JKAMP: variants seen among roughly 807,000 people sequenced by gnomAD.
The protein encoded by JKAMP is JNK1/MAPK8 associated membrane protein, also known as JNK1/MAPK8-associated membrane protein.
Under a neutral mutation model 40.2 loss-of-function variants are expected in JKAMP, and 20 were observed. That is an observed-to-expected ratio of 0.50 (90% CI 0.35 to 0.72). The LOEUF is 0.72. Ranked by LOEUF, JKAMP falls within the 30% of genes least tolerant of loss-of-function variation. The probability of loss-of-function intolerance (pLI) is 0.01; values close to 1 mark genes in which losing one functional copy is unlikely to be tolerated. For synonymous variants in JKAMP, 138 were observed against 131.6 expected (o/e 1.05, Z -0.33); for missense variants, 276 against 373.0 (o/e 0.74, Z 2.14).
chr14:59,504,806 A>C lies in JKAMP; in HGVS notation c.*734A>C, dbSNP rs1189481370. ...CCTCTCATATCTCGGGTATATATAC[A>C]TACCATATTTTATTGATCCAGAGAT... On this transcript the variant is annotated 3_prime_UTR_variant, in exon 7 of 7. Coordinates refer to ENST00000616435, the MANE Select transcript of JKAMP (RefSeq NM_016475.5). 3 of 153,546 alleles carry C rather than the reference A, an allele frequency of 2.0e-5. No individual in the cohort carries two copies. Among genetic ancestry groups the C allele is most frequent in the Non-Finnish European group, 2.9e-5 (2 of 68,776 alleles). The allele number at this position is 153,546 out of a possible 1,614,324, so 9.5% of individuals were successfully genotyped here. A position where few individuals can be genotyped will look rare whatever the true frequency, so the allele number is the denominator to read the frequency against.
chr14:59,495,611 A>G (rs889372238), intron 4 of JKAMP, among the ~76,000 whole-genome samples: 2 of 152,174 alleles, frequency 1.3e-5, no homozygotes, highest in Non-Finnish European at 2.9e-5. Context: ...AAAATTCTGT[A>G]TGCAATTATG....
chr14:59,502,330 C>G (rs557531902), intron 6 of JKAMP, among the ~76,000 whole-genome samples: 39 of 152,272 alleles, frequency 2.6e-4, no homozygotes, highest in African/African-American at 9.4e-4. Flanking sequence ...CCTATACTTG[C>G]TAATCTAGGG....
At chr14:59,494,508 T>C (rs1891286298) in intron 3 of JKAMP, among the ~76,000 whole-genome samples, 1 of 152,128 alleles carries the variant, frequency 6.6e-6, no homozygotes, top group African/African-American at 2.4e-5. Flanking sequence ...ACCAGAATAG[T>C]TGTGAAGCAG....
intron 3 of JKAMP, among the ~76,000 whole-genome samples, chr14:59,491,552 T>C (rs1025704200): frequency 3.3e-5 from 5 of 152,238 alleles, no homozygotes. Flanking sequence ...TGTGTGTTTA[T>C]GTTTTCAGTG....
rs1434127571 is a variant in JKAMP, at chr14:59,496,995, A to AG, written c.459-1732_459-1731insG. ...TTGTAGGGCTACCACAAGTCATAGT[A>AG]ATTTTTTTTTTTTTTTTTTGCAAGT... On this transcript the variant is annotated intron_variant, in intron 4 of 6. Coordinates refer to ENST00000616435, the MANE Select transcript of JKAMP (RefSeq NM_016475.5). Among the ~76,000 whole-genome samples, 6 of 147,534 alleles carry AG rather than the reference A, an allele frequency of 4.1e-5. No homozygotes were observed. The East Asian group carries it at 1.2e-3, about 29-fold the overall frequency.
Position 59,504,513 on chromosome 14 carries a change from G to A in JKAMP, c.*441G>A, listed in dbSNP as rs1483239758. 3 of 154,146 alleles carry A rather than the reference G, an allele frequency of 1.9e-5. No homozygotes were observed. Among genetic ancestry groups the A allele is most frequent in the Admixed American group, 1.9e-4 (3 of 15,444 alleles). The allele number at this position is 154,146 out of a possible 1,614,324, so 9.5% of individuals were successfully genotyped here. On this transcript the variant is annotated 3_prime_UTR_variant, in exon 7 of 7. Transcript: ENST00000616435. ...AATTGTAAAAACAAACATACTTGTG[G>A]GGTCTGATAGCAAACATAGAAATGA...
At chr14:59,490,229 T>G (rs1890889071) in intron 3 of JKAMP, among the ~76,000 whole-genome samples, 1 of 152,134 alleles carries the variant, frequency 6.6e-6, no homozygotes, top group Non-Finnish European at 1.5e-5. Flanking sequence ...GCCACCAGGA[T>G]CTTTTAAACA....
intron 3 of JKAMP, 79 bp from the exon 4 acceptor site, chr14:59,494,939 T>C (rs1891326420): frequency 1.0e-6 from 1 of 987,808 alleles, no homozygotes. Context: ...AATCTGTATC[T>C]TGACACATGT....
intron 3 of JKAMP, 24 bp from the exon 4 acceptor site, chr14:59,494,994 A>G (rs750280537): frequency 6.4e-7 from 1 of 1,565,490 alleles, no homozygotes; most frequent in East Asian, 2.2e-5. Flanking sequence ...TTTTCTAGTA[A>G]TCATGCCTCT....
At chr14:59,499,034 T>TTTTC (rs1891663056) in intron 5 of JKAMP, 126 bp downstream of exon 5, 1 of 535,052 alleles carries the variant, frequency 1.9e-6, no homozygotes, top group Non-Finnish European at 3.0e-6. Flanking sequence ...TTTTTTTTTT[T>TTTTC]TTTTTTTTGT....
chr14:59,493,959 A>G (rs192956950), intron 3 of JKAMP, among the ~76,000 whole-genome samples: 3 of 152,336 alleles, frequency 2.0e-5, no homozygotes, highest in Admixed American at 6.5e-5. Flanking sequence ...AGGGGTGGGA[A>G]GGAGTACCTG....
chr14:59,504,387 C>A lies in JKAMP; in HGVS notation c.*315C>A. 2 of 266,720 alleles carry A rather than the reference C, an allele frequency of 7.5e-6. No homozygotes were observed. The highest frequency in any genetic ancestry group is 7.1e-6 in the Non-Finnish European group (1 of 141,456). The allele number at this position is 266,720 out of a possible 1,614,324, so 16.5% of individuals were successfully genotyped here. ...TTCTGTGTACCTAGCAATGTGTTCC[C>A]ATTTTATTAAGAAAAGCTTTAACAC... On this transcript the variant is annotated 3_prime_UTR_variant, in exon 7 of 7. Coordinates refer to ENST00000616435, the MANE Select transcript of JKAMP (RefSeq NM_016475.5).
intron 1 of JKAMP, chr14:59,484,909 C>G: frequency 1.4e-6 from 2 of 1,425,890 alleles, no homozygotes; most frequent in African/African-American, 2.9e-5. Context: ...GAATTGAAAA[C>G]GCGGGTGATA....
At chr14:59,494,893 A>C in intron 3 of JKAMP, 125 bp from the exon 4 acceptor site, 3 of 654,568 alleles carry the variant, frequency 4.6e-6, no homozygotes, top group Non-Finnish European at 8.0e-6. Context: ...AAAAGGTTAT[A>C]CTCGAGTAGT....
intron 1 of JKAMP, 176 bp downstream of exon 1, chr14:59,484,769 G>C (rs1890392307): frequency 4.2e-6 from 4 of 950,388 alleles, no homozygotes; most frequent in Admixed American, 2.8e-5. Context: ...GGGGTGGTCT[G>C]TCCGCAACGG....
intron 3 of JKAMP, among the ~76,000 whole-genome samples, chr14:59,493,889 A>C (rs1379827586): frequency 6.6e-6 from 1 of 152,238 alleles, no homozygotes; most frequent in Non-Finnish European, 1.5e-5. Context: ...CCCAAAACAC[A>C]GACAATTATA....
Position 59,501,191 on chromosome 14 carries a change from A to T in JKAMP, c.641A>T (p.Tyr214Phe). Residue 214 changes from tyrosine to phenylalanine, a missense_variant and splice_region_variant, in exon 6 of 7, where the codon TAT becomes TTT. Coordinates refer to ENST00000616435, the MANE Select transcript of JKAMP (RefSeq NM_016475.5). ...VLQAVGGGLL[Y>F]YAFPYIILVL... ...CATAATACCAATGCTTATCTTTCAGATTACGCCTTCCCATACATTATATTA... is the reference window on the plus strand; with the variant it reads ...CATAATACCAATGCTTATCTTTCAGTTTACGCCTTCCCATACATTATATTA... 2.5e-6 allele frequency: 4 copies of T among 1,573,548 alleles called. No individual in the cohort carries two copies. The highest frequency in any genetic ancestry group is 3.5e-6 in the Non-Finnish European group (4 of 1,147,720).
chr14:59,502,837 C>G (rs1231119985), intron 6 of JKAMP, among the ~76,000 whole-genome samples: 3 of 138,338 alleles, frequency 2.2e-5, no homozygotes, highest in Non-Finnish European at 4.6e-5. Context: ...CTGCAACTTC[C>G]ACCTCTCGGG....
At chr14:59,486,849 T>G (rs1479524252) in intron 2 of JKAMP, 45 bp downstream of exon 2, 1 of 1,261,058 alleles carries the variant, frequency 7.9e-7, no homozygotes, top group Non-Finnish European at 1.1e-6. Context: ...AAAATCTATT[T>G]GCTTTTGAAA....
Sources: gnomAD v4.1 joint callset for allele counts (sites outside exome capture counted in the v4.1 genomes callset) on GRCh38, gnomAD v4.1.1 for gene constraint, MANE v1.5 for transcripts, NCBI Gene and HGNC (gene_info 2026-07-23, HGNC 2026-07-21) for gene names.